SCAI: variants seen among roughly 807,000 people sequenced by gnomAD.
SCAI encodes protein SCAI.
Under a neutral mutation model 92.2 loss-of-function variants are expected in SCAI, and 24 were observed. The observed-to-expected ratio is 0.26, with a 90% CI of 0.19 to 0.37. The LOEUF is 0.37. Among genes scored for constraint, SCAI ranks in the 10% least tolerant of loss-of-function variants. The probability of loss-of-function intolerance (pLI) is 1.00; values close to 1 mark genes in which losing one functional copy is unlikely to be tolerated. For synonymous variants in SCAI, 261 were observed against 258.6 expected (o/e 1.01, Z -0.09); for missense variants, 450 against 736.2 (o/e 0.61, Z 4.50).
In SCAI at chr9:125,093,189, T is replaced by C. The variant is rs545344721; in HGVS notation, c.99-37182A>G. Among the ~76,000 whole-genome samples, 3 of 152,142 alleles carry C rather than the reference T, an allele frequency of 2.0e-5. No homozygotes were observed. In the South Asian group the frequency reaches 6.2e-4, roughly 32 times the overall value. On this transcript the variant is annotated intron_variant, in intron 2 of 17. Transcript: ENST00000336505. ...CAGCCTGGCTAACATGGTGAAACAC[T>C]GTCTCTACTAAAAATACAAAAATTA...
intron 17 of SCAI, chr9:124,968,838 G>T (rs1334386592): frequency 1.6e-6 from 1 of 644,036 alleles, no homozygotes; most frequent in Non-Finnish European, 2.8e-6. Flanking sequence ...CAATTCTGCT[G>T]GCCGCAGGGC....
chr9:125,079,244 G>A (rs976203872), intron 2 of SCAI, among the ~76,000 whole-genome samples: 7 of 152,122 alleles, frequency 4.6e-5, no homozygotes, highest in Non-Finnish European at 7.4e-5. Context: ...AGCTCCCAGA[G>A]TGCCTCCCCC....
At chr9:125,111,262 GA>G (rs984565553) in intron 2 of SCAI, among the ~76,000 whole-genome samples, 18 of 151,086 alleles carry the variant, frequency 1.2e-4, no homozygotes, top group African/African-American at 3.9e-4. Context: ...AAAAGAGAAA[GA>G]AAAAAAATCA....
At chr9:125,104,767 C>CA (rs1834742659) in intron 2 of SCAI, among the ~76,000 whole-genome samples, 3 of 151,660 alleles carry the variant, frequency 2.0e-5, no homozygotes. Context: ...AAAAAACAAA[C>CA]AAACAAACTA....
At position 124,953,011 on chromosome 9, in the gene SCAI, A is replaced by C; in HGVS notation, c.1675-58T>G. 2.9e-6 allele frequency: 4 copies of C among 1,356,300 alleles called. No individual in the cohort carries two copies. The South Asian group carries it at 4.8e-5, about 16-fold the overall frequency. 84.0% of individuals were successfully genotyped at this position (1,356,300 alleles called of 1,614,324 possible). A position where few individuals can be genotyped will look rare whatever the true frequency, so the allele number is the denominator to read the frequency against. Reference sequence around the variant, plus strand: ...GTAGTCTAATGAAAGAAAATTATACACATTGATAACAGTGTCAAGGAGTAA... The same window carrying C: ...GTAGTCTAATGAAAGAAAATTATACCCATTGATAACAGTGTCAAGGAGTAA... On this transcript the variant is annotated intron_variant, in intron 17 of 17. Coordinates refer to ENST00000336505, the MANE Select transcript of SCAI (RefSeq NM_001144877.3).
At chr9:125,130,999 A>G (rs75524700) in intron 2 of SCAI, among the ~76,000 whole-genome samples, 3,220 of 123,954 alleles carry the variant, frequency 0.026, 126 homozygotes, top group African/African-American at 0.095. Flanking sequence ...CAGGCTGGGC[A>G]TTAACTCACT....
intron 3 of SCAI, among the ~76,000 whole-genome samples, chr9:125,048,850 A>G (rs1833499841): frequency 6.6e-6 from 1 of 151,960 alleles, no homozygotes; most frequent in African/African-American, 2.4e-5. Flanking sequence ...GGTTCAAGCG[A>G]TTCTCCTTCC....
At chr9:125,045,439 C>G (rs1202333405) in intron 3 of SCAI, among the ~76,000 whole-genome samples, 1 of 152,152 alleles carries the variant, frequency 6.6e-6, no homozygotes, top group Non-Finnish European at 1.5e-5. Flanking sequence ...CTCCTGGCTT[C>G]AAGCAATCCT....
intron 14 of SCAI, among the ~76,000 whole-genome samples, chr9:124,987,576 T>C (rs781476306): frequency 2.0e-5 from 3 of 152,160 alleles, no homozygotes; most frequent in Non-Finnish European, 4.4e-5. Context: ...GTTGGAAATA[T>C]TAGACAAGAT....
chr9:125,101,690 T>C (rs1277709434), intron 2 of SCAI, among the ~76,000 whole-genome samples: 1 of 152,142 alleles, frequency 6.6e-6, no homozygotes, highest in African/African-American at 2.4e-5. Flanking sequence ...TACCACAAAA[T>C]ATGCCAAGAA....
chr9:125,106,114 AAAAAAAAAATATATATATAT>A (rs1282323043), intron 2 of SCAI, among the ~76,000 whole-genome samples: 9 of 46,446 alleles, frequency 1.9e-4, no homozygotes, highest in Non-Finnish European at 2.7e-4. Flanking sequence ...AAAAAAAAAA[AAAAAAAAAATATATATATAT>A]ATATATATAT....
rs1387740087 is a variant in SCAI, at chr9:124,943,207, C to T, written c.*9600G>A. On this transcript the variant is annotated 3_prime_UTR_variant, in exon 18 of 18. Coordinates refer to ENST00000336505, the MANE Select transcript of SCAI (RefSeq NM_001144877.3). Reference sequence around the variant, plus strand: ...AAATGTTCAAGTCAAATGATAGTGACAGTATAATTTTCCCCTTAGTCATTG... The same window carrying T: ...AAATGTTCAAGTCAAATGATAGTGATAGTATAATTTTCCCCTTAGTCATTG... The T allele has an allele frequency of 6.6e-6, 1 of 152,192 alleles. No homozygotes were observed. The highest frequency in any genetic ancestry group is 1.5e-5 in the Non-Finnish European group (1 of 68,032). 9.4% of individuals were successfully genotyped at this position (152,192 alleles called of 1,614,324 possible).
chr9:125,063,281 C>T (rs890294499), intron 2 of SCAI, among the ~76,000 whole-genome samples: 2 of 150,326 alleles, frequency 1.3e-5, no homozygotes, highest in South Asian at 4.2e-4. Context: ...TGGTGGCACA[C>T]ACCTGTAATC....
chr9:125,106,103 A>C (rs1834774797), intron 2 of SCAI, among the ~76,000 whole-genome samples: 1 of 33,574 alleles, frequency 3.0e-5, no homozygotes, highest in Non-Finnish European at 6.5e-5. Context: ...TCTCAAAAAA[A>C]AAAAAAAAAA....
chr9:125,075,484 T>A (rs1834069685), intron 2 of SCAI, among the ~76,000 whole-genome samples: 1 of 151,902 alleles, frequency 6.6e-6, no homozygotes, highest in South Asian at 2.1e-4. Flanking sequence ...CTGCAACCTC[T>A]GCTCCCAGGT....
chr9:124,978,823 A>C (rs1378233540), intron 14 of SCAI, among the ~76,000 whole-genome samples: 2 of 152,158 alleles, frequency 1.3e-5, no homozygotes, highest in African/African-American at 4.8e-5. Context: ...AAAAAGAACA[A>C]AGAAGTTCTT....
intron 2 of SCAI, among the ~76,000 whole-genome samples, chr9:125,132,827 T>C (rs551861317): frequency 1.3e-5 from 2 of 152,104 alleles, no homozygotes; most frequent in Admixed American, 6.5e-5. Context: ...TAGCCAGGCA[T>C]GGTGGCACGC....
At chr9:125,106,480 T>C (rs952065085) in intron 2 of SCAI, among the ~76,000 whole-genome samples, 4 of 152,014 alleles carry the variant, frequency 2.6e-5, no homozygotes, top group East Asian at 1.9e-4. Flanking sequence ...CAACAAATTA[T>C]ATACTTTATA....
rs1177272997 is a variant in SCAI, at chr9:125,028,375, ATGTGTAATTTACTTACTAAT to A, written c.410_413+16del. 1 of 1,372,456 alleles carries A rather than the reference ATGTGTAATTTACTTACTAAT, an allele frequency of 7.3e-7. No homozygotes were observed. Among genetic ancestry groups the A allele is most frequent in the African/African-American group, 1.4e-5 (1 of 69,668 alleles). The allele number at this position is 1,372,456 out of a possible 1,614,324, so 85.0% of individuals were successfully genotyped here. The stretch of plus-strand genomic sequence containing the variant: ...AATCAGACAACACTTTACTCTTTCC[ATGTGTAATTTACTTACTAAT>A]AATGATAGTATAGCTGCCCAATCTT... On this transcript the variant is annotated splice_donor_variant and splice_donor_5th_base_variant and coding_sequence_variant and intron_variant, in exon 5 of 18. Coordinates refer to ENST00000336505, the MANE Select transcript of SCAI (RefSeq NM_001144877.3). LOFTEE classifies it high-confidence loss of function.
Sources: allele counts gnomAD v4.1 joint callset (sites outside exome capture counted in the v4.1 genomes callset), GRCh38; gene constraint gnomAD v4.1.1; transcripts MANE v1.5; gene names NCBI Gene and HGNC (gene_info 2026-07-23, HGNC 2026-07-21).